DGKB: variants seen among roughly 807,000 people sequenced by gnomAD.
DGKB encodes diacylglycerol kinase beta, also known as 90 kDa diacylglycerol kinase.
DGKB carries 67 observed loss-of-function variants against 114.3 expected under a neutral mutation model. The observed-to-expected ratio is 0.59, with a 90% CI of 0.48 to 0.72. The LOEUF (loss-of-function observed/expected upper bound fraction) is 0.72. DGKB is among the 30% of genes least tolerant of loss of function. DGKB has a pLI of 0.00. For missense variants in DGKB, 907 were observed against 975.2 expected, an observed-to-expected ratio of 0.93 and a Z score of 0.93; for synonymous variants, 398 against 323.1, an observed-to-expected ratio of 1.23 and a Z score of -2.49.
intron 17 of DGKB, among the ~76,000 whole-genome samples, chr7:14,584,124 G>A (rs574287064): frequency 1.3e-3 from 200 of 152,222 alleles, no homozygotes; most frequent in African/African-American, 4.7e-3. Flanking sequence ...ATATGTCTAA[G>A]AGAACTTTGT....
At chr7:14,151,453 T>C (rs936066148) in intron 25 of DGKB, among the ~76,000 whole-genome samples, 2 of 146,476 alleles carry the variant, frequency 1.4e-5, no homozygotes, top group African/African-American at 5.4e-5. Context: ...ACTATTCTTA[T>C]ATTAAAAACT....
intron 1 of DGKB, among the ~76,000 whole-genome samples, chr7:14,842,920 G>A (rs575836253): frequency 6.6e-6 from 1 of 152,252 alleles, no homozygotes; most frequent in Admixed American, 6.5e-5. Flanking sequence ...TTTTAATAAA[G>A]GATTAAGGCC....
At chr7:14,197,777 T>C (rs1168375100) in intron 23 of DGKB, among the ~76,000 whole-genome samples, 1 of 152,152 alleles carries the variant, frequency 6.6e-6, no homozygotes, top group Non-Finnish European at 1.5e-5. Context: ...ATAACAATTG[T>C]ACAGCTGAGA....
rs762394488 is a variant in DGKB at position 14,583,152 on chromosome 7, T to C, written c.1434-15A>G. The C allele has an allele frequency of 1.0e-5, 16 of 1,530,890 alleles. No homozygotes were observed. Among genetic ancestry groups the C allele is most frequent in the South Asian group, 7.9e-5 (7 of 88,500 alleles). The allele number at this position is 1,530,890 out of a possible 1,614,324, so 94.8% of individuals were successfully genotyped here. ...AAAAGTTTAACCTGAAAAATAAGCA[T>C]GTTATGGCACATGATTAATAGTTTA... On this transcript the variant is annotated splice_polypyrimidine_tract_variant and intron_variant, in intron 17 of 25. Coordinates refer to ENST00000402815, the MANE Select transcript of DGKB (RefSeq NM_001350709.2).
chr7:14,188,654 C>A (rs1329362829), intron 23 of DGKB, among the ~76,000 whole-genome samples: 3 of 84,498 alleles, frequency 3.6e-5, no homozygotes, highest in African/African-American at 1.6e-4. Flanking sequence ...AGCGAGACTC[C>A]GTCTCAAAAA....
At chr7:14,879,013 T>G (rs1013383338) in intron 1 of DGKB, among the ~76,000 whole-genome samples, 6 of 151,862 alleles carry the variant, frequency 4.0e-5, no homozygotes, top group Non-Finnish European at 8.8e-5. Context: ...TATATTTTGG[T>G]GCTCAAAAAC....
At position 14,877,818 on chromosome 7, in the gene DGKB, T is replaced by C. The variant is rs542017210; in HGVS notation, c.-188+24774A>G. Among the ~76,000 whole-genome samples, 11 of 152,282 alleles carry C rather than the reference T, an allele frequency of 7.2e-5. 1 individual carries two copies. The South Asian group carries it at 2.1e-3, about 29-fold the overall frequency. ...CTAAGTTCCACAAACAATAATTCCT[T>C]GAAGCTTTTGAAAATATACTGACTT... On this transcript the variant is annotated intron_variant, in intron 1 of 25. Transcript: ENST00000402815.
intron 21 of DGKB, among the ~76,000 whole-genome samples, chr7:14,435,390 G>C (rs1829088269): frequency 6.6e-6 from 1 of 152,032 alleles, no homozygotes; most frequent in African/African-American, 2.4e-5. Context: ...CTCCAGTTCA[G>C]TTCCTGCTCC....
At chr7:14,465,002 G>A (rs147606135) in intron 21 of DGKB, among the ~76,000 whole-genome samples, 27 of 152,250 alleles carry the variant, frequency 1.8e-4, no homozygotes, top group African/African-American at 6.3e-4. Flanking sequence ...CGACAGGGGC[G>A]ACTCTCAGTG....
In DGKB at chr7:14,787,940, T is replaced by C. The variant is rs1006228698; in HGVS notation, c.71-30209A>G. ...CCCTCTCACCCAAGATCCACCACCATTACAGGTCAGCATTTGACTGCCTTT... is the reference window on the plus strand; with the variant it reads ...CCCTCTCACCCAAGATCCACCACCACTACAGGTCAGCATTTGACTGCCTTT... On this transcript the variant is annotated intron_variant, in intron 2 of 25. Transcript: ENST00000402815. Among the ~76,000 whole-genome samples, 113 of 118,328 alleles carry C rather than the reference T, an allele frequency of 9.5e-4. 2 individuals are homozygous for C. Among genetic ancestry groups the C allele is most frequent in the Non-Finnish European group, 1.8e-4 (10 of 56,352 alleles). The allele number at this position is 118,328 out of a possible 152,430, so 77.6% of individuals were successfully genotyped here. A position where few individuals can be genotyped will look rare whatever the true frequency, so the allele number is the denominator to read the frequency against.
chr7:14,824,037 G>T (rs536669367), intron 2 of DGKB, among the ~76,000 whole-genome samples: 1 of 152,262 alleles, frequency 6.6e-6, no homozygotes, highest in South Asian at 2.1e-4. Context: ...AGTCTTACAT[G>T]GCAGCAGGCA....
At chr7:14,820,551 G>C (rs1479744694) in intron 2 of DGKB, among the ~76,000 whole-genome samples, 1 of 152,082 alleles carries the variant, frequency 6.6e-6, no homozygotes, top group African/African-American at 2.4e-5. Flanking sequence ...ACCATTTATA[G>C]TTTCCAAATA....
At chr7:14,595,059 T>TA (rs1177301009) in intron 17 of DGKB, among the ~76,000 whole-genome samples, 1 of 152,060 alleles carries the variant, frequency 6.6e-6, no homozygotes. Flanking sequence ...TGAGGGCAGT[T>TA]AATGTGGACT....
chr7:14,643,212 G>A (rs1175298113), intron 13 of DGKB, among the ~76,000 whole-genome samples: 2 of 152,138 alleles, frequency 1.3e-5, no homozygotes, highest in Non-Finnish European at 2.9e-5. Context: ...CTCCATTGCA[G>A]GAAAAAGGTA....
chr7:14,389,101 A>C (rs115305436), intron 21 of DGKB, among the ~76,000 whole-genome samples: 49 of 152,296 alleles, frequency 3.2e-4, no homozygotes, highest in African/African-American at 1.2e-3. Flanking sequence ...TCACTGATTT[A>C]AGAGTTGATG....
chr7:14,269,859 A>G (rs1210988629), intron 23 of DGKB, among the ~76,000 whole-genome samples: 5 of 152,160 alleles, frequency 3.3e-5, no homozygotes, highest in African/African-American at 1.2e-4. Flanking sequence ...AGAAGACTTT[A>G]TAACACAGTT....
chr7:14,815,394 A>G (rs1188410835), intron 2 of DGKB, among the ~76,000 whole-genome samples: 1 of 152,176 alleles, frequency 6.6e-6, no homozygotes, highest in Non-Finnish European at 1.5e-5. Context: ...GGCACACACA[A>G]AATATCTCAA....
chr7:14,814,886 T>A (rs1843900224), intron 2 of DGKB, among the ~76,000 whole-genome samples: 1 of 152,196 alleles, frequency 6.6e-6, no homozygotes, highest in African/African-American at 2.4e-5. Context: ...AGTTTTATTC[T>A]AATACATAAC....
chr7:14,774,763 T>C (rs1837910493), intron 2 of DGKB, among the ~76,000 whole-genome samples: 1 of 152,192 alleles, frequency 6.6e-6, no homozygotes, highest in African/African-American at 2.4e-5. Flanking sequence ...TTGAGATTTT[T>C]AAAAAACAAT....
Sources: allele counts gnomAD v4.1 joint callset (sites outside exome capture counted in the v4.1 genomes callset), GRCh38; gene constraint gnomAD v4.1.1; transcripts MANE v1.5; gene names NCBI Gene and HGNC (gene_info 2026-07-23, HGNC 2026-07-21).